The following PTK7 variants were observed in gnomAD, a reference collection of about 807,000 sequenced individuals.
PTK7 encodes the protein inactive tyrosine-protein kinase 7.
Under a neutral mutation model 116.6 loss-of-function variants are expected in PTK7, and 39 were observed. The ratio of observed to expected loss-of-function variants is 0.33; its 90% CI spans 0.26 to 0.44. The LOEUF is 0.44. Ranked by LOEUF, PTK7 falls within the 20% of genes least tolerant of loss-of-function variation. The pLI is 1.00. For synonymous variants in PTK7, 546 were observed against 563.6 expected (o/e 0.97, Z 0.44); for missense variants, 1,169 against 1,425.6 (o/e 0.82, Z 2.90).
intron 1 of PTK7, among the ~76,000 whole-genome samples, chr6:43,091,184 G>T: frequency 2.2e-5 from 3 of 137,948 alleles, no homozygotes; most frequent in Admixed American, 7.5e-5. Context: ...TTTTGGAGAT[G>T]GGGTCTCACT....
rs1022519609 is a variant in PTK7 at position 43,131,879 on chromosome 6, A to T, written c.813-137A>T. On this transcript the variant is annotated intron_variant, in intron 5 of 19. Coordinates refer to ENST00000230419, the MANE Select transcript of PTK7 (RefSeq NM_002821.5). The stretch of plus-strand genomic sequence containing the variant: ...GGCACACACACCAGTCTGGAGTGTC[A>T]GCTTCCTTCTCTCTGCCCTGTTCCT... 7 of 1,193,188 alleles carry T rather than the reference A, an allele frequency of 5.9e-6. No homozygotes were observed. In the East Asian group the frequency reaches 1.7e-4, roughly 30 times the overall value. 73.9% of individuals were successfully genotyped at this position (1,193,188 alleles called of 1,614,324 possible). A position where few individuals can be genotyped will look rare whatever the true frequency, so the allele number is the denominator to read the frequency against.
Position 43,076,794 on chromosome 6 carries a change from G to A in PTK7, c.79+227G>A. ...AGGGTACCCCTCCCACTCGCGCCGC[G>A]GGGACGCATTTCCAGCCTCCCTGAG... On this transcript the variant is annotated intron_variant, in intron 1 of 19. Transcript: ENST00000230419. This position sits in a 1 kb window ranked among gnomAD's most constrained non-coding sequence, Gnocchi z 5.7. 7.1e-7 allele frequency: 1 copy of A among 1,408,368 alleles called. No individual in the cohort carries two copies. The highest frequency in any genetic ancestry group is 9.2e-7 in the Non-Finnish European group (1 of 1,081,310). 87.2% of individuals were successfully genotyped at this position (1,408,368 alleles called of 1,614,324 possible).
intron 13 of PTK7, 176 bp downstream of exon 13, chr6:43,142,475 C>A: frequency 9.6e-7 from 1 of 1,043,680 alleles, no homozygotes; most frequent in Non-Finnish European, 1.4e-6. Context: ...CAGAGCCGGG[C>A]TGTCGTTTAT....
chr6:43,083,193 C>T (rs977200015), intron 1 of PTK7, among the ~76,000 whole-genome samples: 1 of 152,234 alleles, frequency 6.6e-6, no homozygotes, highest in African/African-American at 2.4e-5. Context: ...TGTCCCTCAA[C>T]CTCCTGCTCT....
At chr6:43,111,053 A>G (rs569232405) in intron 1 of PTK7, among the ~76,000 whole-genome samples, 79 of 152,352 alleles carry the variant, frequency 5.2e-4, no homozygotes, top group Admixed American at 1.8e-3. Context: ...ATTTTCACCC[A>G]GATAGGCTCA....
intron 1 of PTK7, among the ~76,000 whole-genome samples, chr6:43,114,352 G>C (rs952160626): frequency 5.3e-5 from 8 of 149,792 alleles, no homozygotes; most frequent in East Asian, 2.0e-4. Context: ...CTGTCTGTCT[G>C]TCTCTCTCTC....
intron 14 of PTK7, chr6:43,144,195 T>G: frequency 1.9e-6 from 1 of 515,392 alleles, no homozygotes. Flanking sequence ...TGATTCAGAT[T>G]AGATGTCTGC....
At position 43,158,866 on chromosome 6, in the gene PTK7, A is replaced by G. The variant is rs760841103; in HGVS notation, c.2771A>G (p.Asn924Ser). 1.2e-6 allele frequency: 2 copies of G among 1,613,976 alleles called. No individual in the cohort carries two copies. The highest frequency in any genetic ancestry group is 3.3e-5 in the Admixed American group (2 of 59,978). Residue 924 changes from asparagine (N) to serine (S), a missense_variant, in exon 18 of 20, where the codon AAC becomes AGC. Physicochemically the swap from Asn to Ser is conservative, Grantham distance 46 (BLOSUM62 1). Around this residue, in one of 3 missense-constraint regions of PTK7, gnomAD observed 678 missense variants for 853.8 expected, o/e 0.79. Coordinates refer to ENST00000230419, the MANE Select transcript of PTK7 (RefSeq NM_002821.5). ...VALGMEHLSN[N>S]RFVHKDLAAR... ...CTGGGCATGGAGCACCTGTCCAACA[A>G]CCGCTTTGTGCATAAGGACTTGGCT... is the stretch of plus-strand genomic sequence containing the variant.
intron 17 of PTK7, among the ~76,000 whole-genome samples, chr6:43,151,211 CTTT>C (rs11398367): frequency 7.0e-6 from 1 of 141,878 alleles, no homozygotes. Flanking sequence ...CACCTGCCTT[CTTT>C]TTTTTTTTTT....
chr6:43,138,521 T>C (rs1156237889), intron 7 of PTK7: 2 of 197,362 alleles, frequency 1.0e-5, no homozygotes, highest in Admixed American at 1.1e-4. Context: ...ATTAGCCAAG[T>C]ATTGTGGTGC....
intron 1 of PTK7, among the ~76,000 whole-genome samples, chr6:43,092,131 G>A (rs1014822218): frequency 2.6e-5 from 4 of 152,134 alleles, no homozygotes; most frequent in African/African-American, 9.7e-5. Flanking sequence ...AAAGTGCTGG[G>A]ATTACAGGCG....
intron 1 of PTK7, among the ~76,000 whole-genome samples, chr6:43,094,254 G>A (rs1468641707): frequency 6.6e-6 from 1 of 152,134 alleles, no homozygotes; most frequent in East Asian, 1.9e-4. Flanking sequence ...GAGGACGTCG[G>A]TGTGAAACAG....
At chr6:43,085,637 T>C (rs895371667) in intron 1 of PTK7, among the ~76,000 whole-genome samples, 2 of 151,870 alleles carry the variant, frequency 1.3e-5, no homozygotes, top group African/African-American at 2.4e-5. Context: ...GCCTTAGAAA[T>C]GGTTTTCTCA....
At chr6:43,111,844 T>TTC (rs1234251588) in intron 1 of PTK7, among the ~76,000 whole-genome samples, 1 of 151,420 alleles carries the variant, frequency 6.6e-6, no homozygotes, top group East Asian at 1.9e-4. Context: ...ATTCTTTTTT[T>TTC]TTTTTTTTTT....
chr6:43,093,415 T>C (rs1767067417), intron 1 of PTK7, among the ~76,000 whole-genome samples: 1 of 152,082 alleles, frequency 6.6e-6, no homozygotes, highest in South Asian at 2.1e-4. Flanking sequence ...ACTCCAGGAA[T>C]GGATTGCTGG....
intron 1 of PTK7, among the ~76,000 whole-genome samples, chr6:43,127,934 A>G (rs1477768926): frequency 1.3e-5 from 2 of 152,048 alleles, no homozygotes; most frequent in East Asian, 3.9e-4. Context: ...GTCTCAAAAA[A>G]AAAAAAGAAC....
chr6:43,112,486 C>T (rs1441724067), intron 1 of PTK7, among the ~76,000 whole-genome samples: 1 of 152,020 alleles, frequency 6.6e-6, no homozygotes, highest in Non-Finnish European at 1.5e-5. Flanking sequence ...GCCCGGGTCT[C>T]ACATTGTCTA....
At chr6:43,128,114 G>T (rs1403066419) in intron 1 of PTK7, among the ~76,000 whole-genome samples, 1 of 152,208 alleles carries the variant, frequency 6.6e-6, no homozygotes, top group East Asian at 1.9e-4. Flanking sequence ...CACCTCTGAT[G>T]CTGGCACCGT....
intron 1 of PTK7, among the ~76,000 whole-genome samples, chr6:43,128,551 G>A (rs913534622): frequency 1.5e-4 from 23 of 152,198 alleles, no homozygotes; most frequent in Non-Finnish European, 2.6e-4. Flanking sequence ...TTGGGAGGCC[G>A]AGGTGGGCAG....
Sources: gnomAD v4.1 joint callset for allele counts (sites outside exome capture counted in the v4.1 genomes callset) on GRCh38, gnomAD v4.1.1 for gene constraint, gnomAD v4.1.1 regional missense constraint, Gnocchi (gnomAD v3.1) non-coding constraint, MANE v1.5 for transcripts, NCBI Gene and HGNC (gene_info 2026-07-23, HGNC 2026-07-21) for gene names.